The following PHF2 variants were observed in gnomAD, a reference collection of about 807,000 sequenced individuals.
PHF2 encodes lysine-specific demethylase PHF2.
A neutral mutation model predicts 120.5 loss-of-function variants in PHF2; 27 were observed. The ratio of observed to expected loss-of-function variants is 0.22; its 90% CI spans 0.17 to 0.31. The LOEUF (loss-of-function observed/expected upper bound fraction) is 0.31. PHF2 is among the 10% of genes least tolerant of loss of function. The pLI is 1.00. For missense variants in PHF2, 1,024 were observed against 1,434.8 expected (o/e 0.71, Z 4.63); for synonymous variants, 568 against 592.5 (o/e 0.96, Z 0.60).
chr9:93,580,609 T>A (rs970795676), intron 1 of PHF2, among the ~76,000 whole-genome samples: 2 of 152,244 alleles, frequency 1.3e-5, no homozygotes, highest in Non-Finnish European at 1.5e-5. Flanking sequence ...ATCCTTAACA[T>A]GTAGCTTTCT....
At chr9:93,604,193 G>A (rs147259819) in intron 1 of PHF2, among the ~76,000 whole-genome samples, 1 of 152,176 alleles carries the variant, frequency 6.6e-6, no homozygotes, top group Non-Finnish European at 1.5e-5. Context: ...GCAGGGCTGA[G>A]GTCTGGGCAA....
intron 12 of PHF2, among the ~76,000 whole-genome samples, chr9:93,662,078 GATGA>G (rs1372729067): frequency 1.3e-5 from 2 of 151,518 alleles, no homozygotes; most frequent in African/African-American, 2.4e-5. Flanking sequence ...TGGTTGGGTG[GATGA>G]ATGGATGGAT....
intron 3 of PHF2, among the ~76,000 whole-genome samples, chr9:93,643,899 G>T (rs949095114): frequency 1.3e-5 from 2 of 151,856 alleles, no homozygotes; most frequent in African/African-American, 4.8e-5. Context: ...GCCTCTTCCT[G>T]TTCCCTCCCA....
intron 1 of PHF2, among the ~76,000 whole-genome samples, chr9:93,617,319 T>C (rs927621459): frequency 9.9e-5 from 15 of 152,136 alleles, no homozygotes; most frequent in African/African-American, 3.6e-4. Flanking sequence ...ATATCACCCG[T>C]GAGAAAGCCA....
At chr9:93,634,832 T>A (rs1167328674) in intron 2 of PHF2, among the ~76,000 whole-genome samples, 1 of 152,170 alleles carries the variant, frequency 6.6e-6, no homozygotes, top group Non-Finnish European at 1.5e-5. Context: ...AGCCAGCCTG[T>A]GAGTGTGTTC....
At chr9:93,591,797 G>A (rs537135812) in intron 1 of PHF2, among the ~76,000 whole-genome samples, 41 of 152,260 alleles carry the variant, frequency 2.7e-4, no homozygotes, top group African/African-American at 9.9e-4. Context: ...GAAGAAGCCC[G>A]AGAGAGCATC....
chr9:93,645,289 G>A (rs1826236854), intron 3 of PHF2, among the ~76,000 whole-genome samples: 1 of 152,222 alleles, frequency 6.6e-6, no homozygotes, highest in Non-Finnish European at 1.5e-5. Context: ...CAGCCCGGGT[G>A]CCGGTGGTTG....
intron 10 of PHF2, 54 bp downstream of exon 10, chr9:93,658,290 G>A: frequency 7.5e-7 from 1 of 1,341,464 alleles, no homozygotes; most frequent in South Asian, 1.2e-5. Context: ...CAGGCGGGAG[G>A]ACCTCCCTGG....
chr9:93,662,532 G>GTGGA (rs1826590467), intron 12 of PHF2, among the ~76,000 whole-genome samples: 1 of 120,254 alleles, frequency 8.3e-6, no homozygotes, highest in African/African-American at 3.7e-5. Context: ...GGATGGGTGG[G>GTGGA]CGGATGGATG....
chr9:93,584,082 C>T (rs1162632198), intron 1 of PHF2, among the ~76,000 whole-genome samples: 1 of 152,164 alleles, frequency 6.6e-6, no homozygotes, highest in Non-Finnish European at 1.5e-5. Context: ...CCTGCCTTGG[C>T]CTCCCAAAGT....
chr9:93,634,483 A>G (rs1826058646), intron 2 of PHF2, among the ~76,000 whole-genome samples: 1 of 152,194 alleles, frequency 6.6e-6, no homozygotes, highest in Non-Finnish European at 1.5e-5. Context: ...CACCTGCTCC[A>G]GCACCCCCAG....
At chr9:93,663,357 G>A (rs1201924233) in intron 13 of PHF2, among the ~76,000 whole-genome samples, 160 bp from the exon 14 acceptor site, 1 of 152,130 alleles carries the variant, frequency 6.6e-6, no homozygotes, top group African/African-American at 2.4e-5. Context: ...TGGGGTGCAG[G>A]CCCCTGAGCA....
intron 4 of PHF2, among the ~76,000 whole-genome samples, chr9:93,648,667 T>A (rs1384023988): frequency 1.3e-5 from 2 of 152,214 alleles, no homozygotes; most frequent in Admixed American, 6.5e-5. Flanking sequence ...AGTAATGAAT[T>A]GGTACCCTAG....
At chr9:93,640,853 G>A (rs765263429) in intron 3 of PHF2, among the ~76,000 whole-genome samples, 3 of 152,218 alleles carry the variant, frequency 2.0e-5, no homozygotes, top group Non-Finnish European at 4.4e-5. Flanking sequence ...GTTAATCTGA[G>A]TAGGACCTGG....
chr9:93,591,944 C>G lies in PHF2; in HGVS notation c.98+15073C>G, dbSNP rs554120923. Among the ~76,000 whole-genome samples the G allele has an allele frequency of 7.6e-4, 116 of 152,366 alleles. 1 individual carries two copies. The highest frequency in any genetic ancestry group is 2.5e-3 in the African/African-American group (106 of 41,588). ...GAGGCTCTGGGCTGTGAATACATAC[C>G]TGCCCGAGGGCATTGCTGGGAGAGC... On this transcript the variant is annotated intron_variant, in intron 1 of 21. Coordinates refer to ENST00000359246, the MANE Select transcript of PHF2 (RefSeq NM_005392.4).
intron 14 of PHF2, among the ~76,000 whole-genome samples, chr9:93,664,756 A>G (rs1364335276): frequency 6.6e-6 from 1 of 152,190 alleles, no homozygotes; most frequent in African/African-American, 2.4e-5. Flanking sequence ...AAGCTATTAA[A>G]CGGCATTCAC....
rs551537113 is a variant in PHF2, at chr9:93,601,088, A to G, written c.98+24217A>G. Among the ~76,000 whole-genome samples the G allele has an allele frequency of 3.9e-5, 6 of 152,328 alleles. No homozygotes were observed. In the South Asian group the frequency reaches 1.2e-3, roughly 32 times the overall value. The stretch of plus-strand genomic sequence containing the variant: ...CTGTAGTTTTTATTAATTAGCACAA[A>G]TGACTTTGTCCCGTGAGTACTTACA... On this transcript the variant is annotated intron_variant, in intron 1 of 21. Coordinates refer to ENST00000359246, the MANE Select transcript of PHF2 (RefSeq NM_005392.4).
At chr9:93,669,121 G>A (rs1197533143) in intron 17 of PHF2, among the ~76,000 whole-genome samples, 1 of 152,240 alleles carries the variant, frequency 6.6e-6, no homozygotes, top group African/African-American at 2.4e-5. Flanking sequence ...CGGGACCTGG[G>A]CATGCAGTCC....
intron 14 of PHF2, 123 bp downstream of exon 14, chr9:93,663,758 C>T: frequency 3.4e-6 from 2 of 585,576 alleles, no homozygotes; most frequent in Non-Finnish European, 6.1e-6. Context: ...TATGCATGCA[C>T]TCTGCATCTC....
Sources: allele counts gnomAD v4.1 joint callset (sites outside exome capture counted in the v4.1 genomes callset), GRCh38; gene constraint gnomAD v4.1.1; transcripts MANE v1.5; gene names NCBI Gene and HGNC (gene_info 2026-07-23, HGNC 2026-07-21).